UPF1: variants seen among roughly 807,000 people sequenced by gnomAD.
UPF1 encodes UPF1 RNA helicase and ATPase, also known as regulator of nonsense transcripts 1.
In UPF1, 9 loss-of-function variants were observed where a neutral mutation model predicts 129.2. The ratio of observed to expected loss-of-function variants is 0.07; its 90% confidence interval spans 0.04 to 0.12. The LOEUF is 0.12. Ranked by LOEUF, UPF1 falls within the 10% of genes least tolerant of loss-of-function variation. The pLI is 1.00. For missense variants in UPF1, 788 were observed against 1,525.3 expected, an observed-to-expected ratio of 0.52 and a Z score of 8.05; for synonymous variants, 649 against 644.9, an observed-to-expected ratio of 1.01 and a Z score of -0.10.
At position 18,850,435 on chromosome 19, in the gene UPF1, A is replaced by G. The variant is rs961471887; in HGVS notation, c.629+193A>G. 1.3e-5 allele frequency among the ~76,000 whole-genome samples: 2 copies of G among 152,282 alleles called. No individual in the cohort carries two copies. The highest frequency in any genetic ancestry group is 4.2e-4 in the South Asian group (2 of 4,814). On this transcript the variant is annotated intron_variant, in intron 4 of 23. Transcript: ENST00000262803. This position sits in a 1 kb window ranked among gnomAD's most constrained non-coding sequence, Gnocchi z 7.1. ...GTTAAGGAGTCGGCAGTGCCGTGTA[A>G]CTCTTTTGGGGCGTTCTGGCTAAGT...
rs546946592 is a variant in UPF1, at chr19:18,852,661, C to T, written c.973-326C>T. Among the ~76,000 whole-genome samples, 74 of 91,410 alleles carry T rather than the reference C, an allele frequency of 8.1e-4. 3 individuals are homozygous for T. The South Asian group carries it at 0.027, about 33-fold the overall frequency. 60.0% of individuals were successfully genotyped at this position (91,410 alleles called of 152,430 possible). A position where few individuals can be genotyped will look rare whatever the true frequency, so the allele number is the denominator to read the frequency against. On this transcript the variant is annotated intron_variant, in intron 6 of 23. Coordinates refer to ENST00000262803, the MANE Select transcript of UPF1 (RefSeq NM_002911.4). ...TCCCTCCCTCCCCTCCTCTTTCTGT[C>T]CCTCCCTCCCCTCCTCTTTCTGTCC... is the stretch of plus-strand genomic sequence containing the variant.
chr19:18,845,985 G>A lies in UPF1; in HGVS notation c.237G>A (p.Gly79=). 4 of 1,613,898 alleles carry A rather than the reference G, an allele frequency of 2.5e-6. No individual in the cohort carries two copies. The highest frequency in any genetic ancestry group is 3.4e-6 in the Non-Finnish European group (4 of 1,179,996). The part of the protein sequence containing the change: ...AAAGQLDAQV[G]PEGILQNGAV... ...GACACTGCGTTCTGCTGCAGGTTGG[G>A]CCCGAAGGCATCCTGCAGAACGGGG... The change falls in exon 2 of 24, where the codon GGG becomes GGA. Residue 79 remains glycine (G), a synonymous_variant. Transcript: ENST00000262803.
At chr19:18,863,360 T>C (rs1228344786) in intron 18 of UPF1, 78 bp from the exon 19 acceptor site, 5 of 1,550,756 alleles carry the variant, frequency 3.2e-6, no homozygotes, top group South Asian at 1.2e-5. Context: ...TCTGAGTGAA[T>C]GCAGCCTTGC....
Position 18,856,258 on chromosome 19 carries a change from G to A in UPF1, c.1782G>A (p.Arg594=). The part of the protein sequence containing the change: ...TGELSSADEK[R]YRALKRTAER... ...AGCTGTCGTCTGCCGACGAGAAGCG[G>A]TACCGGGCCTTGAAGCGCACCGCAG... Residue 594 remains arginine (R), a synonymous_variant, in exon 13 of 24, where the codon CGG becomes CGA. Transcript: ENST00000262803. The A allele has an allele frequency of 6.2e-7, 1 of 1,608,052 alleles. No individual in the cohort carries two copies. Among genetic ancestry groups the A allele is most frequent in the East Asian group, 2.2e-5 (1 of 44,670 alleles).
At chr19:18,852,018 C>G (rs560320691) in intron 5 of UPF1, 117 bp from the exon 6 acceptor site, 2 of 1,388,620 alleles carry the variant, frequency 1.4e-6, no homozygotes, top group South Asian at 3.1e-5. Flanking sequence ...TGCCACCCAC[C>G]GTGGCCCATT....
Position 18,857,263 on chromosome 19 carries a change from T to C in UPF1, c.1969-57T>C, listed in dbSNP as rs965951674. ...GGGCCCCTACTTCCTTGCTAGTGTG[T>C]GTTGAGGCTGATTCACACCTGAGCT... is the stretch of plus-strand genomic sequence containing the variant. On this transcript the variant is annotated intron_variant, in intron 14 of 23. Coordinates refer to ENST00000262803, the MANE Select transcript of UPF1 (RefSeq NM_002911.4). The C allele has an allele frequency of 5.8e-6, 9 of 1,561,682 alleles. No individual in the cohort carries two copies. The African/African-American group carries it at 1.2e-4, about 21-fold the overall frequency.
At chr19:18,848,212 C>A (rs2055620400) in intron 3 of UPF1, 1 of 225,910 alleles carries the variant, frequency 4.4e-6, no homozygotes, top group Non-Finnish European at 9.0e-6. Context: ...CTGGCCTGAG[C>A]TCATCGGAGC....
At chr19:18,839,097 C>T (rs1307622129) in intron 1 of UPF1, among the ~76,000 whole-genome samples, 2 of 151,922 alleles carry the variant, frequency 1.3e-5, no homozygotes, top group Non-Finnish European at 2.9e-5. Flanking sequence ...AGGGAACCCC[C>T]TTCTTTTCTT....
intron 15 of UPF1, 157 bp from the exon 16 acceptor site, chr19:18,860,164 G>A: frequency 1.3e-6 from 1 of 745,564 alleles, no homozygotes; most frequent in Admixed American, 2.3e-5. Context: ...TCTGGCCAGG[G>A]GACCGGCTCA....
At chr19:18,841,669 C>A (rs2055542685) in intron 1 of UPF1, among the ~76,000 whole-genome samples, 1 of 152,232 alleles carries the variant, frequency 6.6e-6, no homozygotes, top group Admixed American at 6.5e-5. Context: ...CACACTTCAG[C>A]TTCTTGCTGA....
intron 1 of UPF1, among the ~76,000 whole-genome samples, chr19:18,842,416 G>T (rs1232691427): frequency 6.6e-6 from 1 of 152,172 alleles, no homozygotes; most frequent in Non-Finnish European, 1.5e-5. Flanking sequence ...AAATGGGTCA[G>T]GAAGAGATAA....
Position 18,860,678 on chromosome 19 carries a change from G to C in UPF1, c.2301-148G>C, listed in dbSNP as rs566121499. 29 of 1,212,680 alleles carry C rather than the reference G, an allele frequency of 2.4e-5. No homozygotes were observed. The African/African-American group carries it at 3.5e-4, about 15-fold the overall frequency. 75.1% of individuals were successfully genotyped at this position (1,212,680 alleles called of 1,614,324 possible). On this transcript the variant is annotated intron_variant, in intron 16 of 23. Coordinates refer to ENST00000262803, the MANE Select transcript of UPF1 (RefSeq NM_002911.4). Reference sequence around the variant, plus strand: ...GTTTCTGCCCCTCGAGACTCCCCTGGTGAAGGCTGGGGAAGCTCAGCTGTG... The same window carrying C: ...GTTTCTGCCCCTCGAGACTCCCCTGCTGAAGGCTGGGGAAGCTCAGCTGTG...
intron 15 of UPF1, 62 bp downstream of exon 15, chr19:18,857,595 C>T: frequency 6.7e-7 from 1 of 1,490,526 alleles, no homozygotes; most frequent in Admixed American, 2.4e-5. Context: ...GGAATGTGGA[C>T]TGGGGAGAAG....
rs756298940 is a variant in UPF1 at position 18,857,421 on chromosome 19, G to A, written c.2070G>A (p.Val690=). The change falls in exon 15 of 24, where the codon GTG becomes GTA. Residue 690 remains valine (V), a synonymous_variant. Transcript: ENST00000262803. ...AGTCGCTCTTCGAGCGCCTGGTGGTGCTGGGCATCCGGCCCATCCGCCTGC... is the reference window on the plus strand; with the variant it reads ...AGTCGCTCTTCGAGCGCCTGGTGGTACTGGGCATCCGGCCCATCCGCCTGC... The part of the protein sequence containing the change: ...LSQSLFERLV[V]LGIRPIRLQV... 18 of 1,613,486 alleles carry A rather than the reference G, an allele frequency of 1.1e-5. No individual in the cohort carries two copies. In the East Asian group the frequency reaches 2.5e-4, roughly 22 times the overall value.
At chr19:18,849,562 T>C (rs1173341036) in intron 3 of UPF1, 1 of 167,204 alleles carries the variant, frequency 6.0e-6, no homozygotes, top group Admixed American at 5.7e-5. Flanking sequence ...TTTTTGCTGC[T>C]TTTTGCGGGG....
chr19:18,853,001 C>G lies in UPF1; in HGVS notation c.987C>G (p.Ile329Met). The change falls in exon 7 of 24, where the codon ATC (isoleucine) becomes ATG (methionine). Residue 329 changes from isoleucine (I) to methionine (M), a missense_variant. Physicochemically the swap from Ile to Met is conservative, Grantham distance 10. Transcript: ENST00000262803. This position sits in a 1 kb window ranked among gnomAD's most constrained non-coding sequence, Gnocchi z 4.4. Reference sequence around the variant, plus strand: ...CATGTGCTCAGACTCAAGATAACATCACTGTCAGGTGGGACCTGGGCCTTA... The same window carrying G: ...CATGTGCTCAGACTCAAGATAACATGACTGTCAGGTGGGACCTGGGCCTTA... ...KLKESQTQDN[I>M]TVRWDLGLNK... 1 of 1,614,012 alleles carries G rather than the reference C, an allele frequency of 6.2e-7. No individual in the cohort carries two copies. Among genetic ancestry groups the G allele is most frequent in the Non-Finnish European group, 8.5e-7 (1 of 1,179,924 alleles).
rs1432821086 is a variant in UPF1, at chr19:18,866,161, TA to T, written c.*2del. On this transcript the variant is annotated frameshift_variant and stop_lost, in exon 23 of 24. Coordinates refer to ENST00000262803, the MANE Select transcript of UPF1 (RefSeq NM_002911.4). LOFTEE classifies it high-confidence loss of function. ...CGGGGTGACGGGGCTGTCCCAGTAT[TA>T]AAAGGCAAGCCCCCCTGGAGCAGGC... The part of the protein sequence containing the change: ...HGGVTGLSQY[*>X] 6.3e-7 allele frequency: 1 copy of T among 1,596,872 alleles called. No individual in the cohort carries two copies. Among genetic ancestry groups the T allele is most frequent in the East Asian group, 2.3e-5 (1 of 44,320 alleles).
chr19:18,856,141 C>T, intron 12 of UPF1, 45 bp from the exon 13 acceptor site: 1 of 1,607,658 alleles, frequency 6.2e-7, no homozygotes, highest in Non-Finnish European at 8.5e-7. Context: ...CTGCGGGTGA[C>T]ATGTACAGAA....
At chr19:18,841,430 C>T (rs2055540010) in intron 1 of UPF1, among the ~76,000 whole-genome samples, 1 of 152,220 alleles carries the variant, frequency 6.6e-6, no homozygotes, top group Non-Finnish European at 1.5e-5. Flanking sequence ...ATCACACAAG[C>T]AGCGTCAACA....
Sources: gnomAD v4.1 joint callset for allele counts (sites outside exome capture counted in the v4.1 genomes callset) on GRCh38, gnomAD v4.1.1 for gene constraint, Gnocchi (gnomAD v3.1) non-coding constraint, MANE v1.5 for transcripts, NCBI Gene and HGNC (gene_info 2026-07-23, HGNC 2026-07-21) for gene names.